The following NPAS3 variants were observed in gnomAD, a reference collection of about 807,000 sequenced individuals.
The protein encoded by NPAS3 is neuronal PAS domain-containing protein 3.
A neutral mutation model predicts 73.1 loss-of-function variants in NPAS3; 14 were observed. That is an observed-to-expected ratio of 0.19 (90% CI 0.13 to 0.30). The LOEUF is 0.30. NPAS3 is among the 10% of genes least tolerant of loss of function. The pLI, the probability that NPAS3 is intolerant of heterozygous loss-of-function variation, is 1.00. For synonymous variants in NPAS3, 620 were observed against 541.5 expected (o/e 1.14, Z -2.01); for missense variants, 1,096 against 1,250.0 (o/e 0.88, Z 1.86).
chr14:33,707,456 T>C (rs1329584814), intron 6 of NPAS3, among the ~76,000 whole-genome samples: 1 of 152,184 alleles, frequency 6.6e-6, no homozygotes, highest in Non-Finnish European at 1.5e-5. Context: ...AAGGGAACTT[T>C]AGCAAATTAA....
intron 5 of NPAS3, among the ~76,000 whole-genome samples, chr14:33,574,484 G>A (rs2056354948): frequency 6.6e-6 from 1 of 152,126 alleles, no homozygotes; most frequent in Non-Finnish European, 1.5e-5. Flanking sequence ...GAAGGCTGGG[G>A]CCAAAATGCA....
rs374134808 is a variant in NPAS3 at position 33,237,211 on chromosome 14, C to T, written c.385+21785C>T. 1.1e-4 allele frequency among the ~76,000 whole-genome samples: 17 copies of T among 152,136 alleles called. No individual in the cohort carries two copies. In the East Asian group the frequency reaches 1.7e-3, roughly 16 times the overall value. On this transcript the variant is annotated intron_variant, in intron 3 of 11. Transcript: ENST00000356141. ...TTAACACTTTAAAGACTTGTCTTGA[C>T]GCCACATTCTTTAGATTTCTGATAT...
At chr14:33,110,801 AG>A (rs2138960932) in intron 2 of NPAS3, among the ~76,000 whole-genome samples, 1 of 152,308 alleles carries the variant, frequency 6.6e-6, no homozygotes, top group African/African-American at 2.4e-5. Context: ...CACAACAGCT[AG>A]TTGAACCCGG....
intron 1 of NPAS3, among the ~76,000 whole-genome samples, chr14:33,053,183 C>T (rs1265053033): frequency 6.6e-6 from 1 of 152,118 alleles, no homozygotes; most frequent in Non-Finnish European, 1.5e-5. Context: ...CTAGACAAAT[C>T]CCCTGTTATT....
At chr14:33,440,344 G>A (rs2049189939) in intron 4 of NPAS3, among the ~76,000 whole-genome samples, 1 of 152,122 alleles carries the variant, frequency 6.6e-6, no homozygotes, top group African/African-American at 2.4e-5. Flanking sequence ...CAAGCCTGGT[G>A]AGGGGGAAGC....
chr14:33,169,540 C>G (rs1280372330), intron 2 of NPAS3, among the ~76,000 whole-genome samples: 3 of 152,154 alleles, frequency 2.0e-5, no homozygotes, highest in African/African-American at 7.2e-5. Flanking sequence ...TGTACTCCAG[C>G]CTGGGTGACA....
chr14:33,451,745 A>G (rs890818056), intron 4 of NPAS3, among the ~76,000 whole-genome samples: 1 of 152,136 alleles, frequency 6.6e-6, no homozygotes, highest in Non-Finnish European at 1.5e-5. Context: ...TTTTCATCTA[A>G]GGAGAAATTA....
At chr14:33,678,738 C>G (rs919054803) in intron 6 of NPAS3, among the ~76,000 whole-genome samples, 6 of 128,476 alleles carry the variant, frequency 4.7e-5, no homozygotes, top group Non-Finnish European at 9.4e-5. Context: ...TACATGTTGA[C>G]AGTGAGACTT....
chr14:33,072,696 A>T (rs917992342), intron 2 of NPAS3, among the ~76,000 whole-genome samples: 1 of 152,234 alleles, frequency 6.6e-6, no homozygotes, highest in Non-Finnish European at 1.5e-5. Context: ...ATAGCAGGGG[A>T]TGCTGTGGGT....
chr14:33,309,140 G>T (rs567996162), intron 3 of NPAS3, among the ~76,000 whole-genome samples: 1 of 152,284 alleles, frequency 6.6e-6, no homozygotes, highest in Non-Finnish European at 1.5e-5. Flanking sequence ...TTTAAACAAA[G>T]AAATCATCAA....
At chr14:33,183,728 C>A (rs2045886933) in intron 2 of NPAS3, among the ~76,000 whole-genome samples, 1 of 152,032 alleles carries the variant, frequency 6.6e-6, no homozygotes, top group African/African-American at 2.4e-5. Context: ...TGCTTATGAT[C>A]CTTTCAAGAC....
intron 5 of NPAS3, among the ~76,000 whole-genome samples, chr14:33,585,596 C>G (rs535119656): frequency 2.0e-4 from 31 of 152,198 alleles, no homozygotes; most frequent in African/African-American, 7.5e-4. Flanking sequence ...AAACAAAAAC[C>G]CACCATGTAA....
At chr14:33,488,067 G>A (rs1343746723) in intron 4 of NPAS3, among the ~76,000 whole-genome samples, 1 of 152,092 alleles carries the variant, frequency 6.6e-6, no homozygotes, top group Non-Finnish European at 1.5e-5. Context: ...GTAAGGGGCT[G>A]GGATAGGCTC....
chr14:33,011,793 C>CT (rs1388670207), intron 1 of NPAS3, among the ~76,000 whole-genome samples: 3 of 152,064 alleles, frequency 2.0e-5, no homozygotes, highest in Non-Finnish European at 4.4e-5. Flanking sequence ...TTTTTCTCCA[C>CT]TTTGGTGTTG....
intron 2 of NPAS3, among the ~76,000 whole-genome samples, chr14:33,138,530 C>G (rs1275161985): frequency 1.3e-5 from 2 of 151,976 alleles, no homozygotes; most frequent in African/African-American, 4.8e-5. Context: ...ACATCCATGC[C>G]CCAGCATCAT....
chr14:32,979,715 A>G (rs1440209934), intron 1 of NPAS3, among the ~76,000 whole-genome samples: 1 of 152,114 alleles, frequency 6.6e-6, no homozygotes, highest in Non-Finnish European at 1.5e-5. Context: ...TAAAGAAAGA[A>G]CATTTTCCCA....
chr14:33,128,391 G>C (rs958136482), intron 2 of NPAS3, among the ~76,000 whole-genome samples: 5 of 152,092 alleles, frequency 3.3e-5, no homozygotes, highest in Non-Finnish European at 7.4e-5. Context: ...AGATTTTTCT[G>C]TTCTTATATA....
chr14:33,351,567 A>G (rs992086292), intron 3 of NPAS3, among the ~76,000 whole-genome samples: 1 of 152,258 alleles, frequency 6.6e-6, no homozygotes, highest in Non-Finnish European at 1.5e-5. Context: ...CTAGAGACAC[A>G]TGCACACATG....
intron 3 of NPAS3, among the ~76,000 whole-genome samples, chr14:33,218,355 T>C (rs1227628077): frequency 6.6e-6 from 1 of 152,206 alleles, no homozygotes; most frequent in African/African-American, 2.4e-5. Flanking sequence ...GAGCACTTTC[T>C]ATAAACTGGT....
Sources: gnomAD v4.1 joint callset for allele counts (sites outside exome capture counted in the v4.1 genomes callset) on GRCh38, gnomAD v4.1.1 for gene constraint, MANE v1.5 for transcripts, NCBI Gene and HGNC (gene_info 2026-07-23, HGNC 2026-07-21) for gene names.